Variants in LRRC37A2 observed in about 807,000 individuals in gnomAD.
LRRC37A2 encodes the protein leucine rich repeat containing 37 member A2.
LRRC37A2 carries 9 observed loss-of-function variants against 68.8 expected under a neutral mutation model. That is an observed-to-expected ratio of 0.13 (90% CI 0.08 to 0.23). The LOEUF (loss-of-function observed/expected upper bound fraction) is 0.23. Ranked by LOEUF, LRRC37A2 falls within the 10% of genes least tolerant of loss-of-function variation. The pLI, the probability that LRRC37A2 is intolerant of heterozygous loss-of-function variation, is 1.00. For missense variants in LRRC37A2, 168 were observed against 950.4 expected, an observed-to-expected ratio of 0.18 and a Z score of 10.82; for synonymous variants, 63 against 367.6, an observed-to-expected ratio of 0.17 and a Z score of 9.48.
the LRRC37A2 span, among the ~76,000 whole-genome samples, chr17:47,006,505 G>C: frequency 2.0e-5 from 3 of 152,116 alleles, no homozygotes; most frequent in East Asian, 5.8e-4. Context: ...CCAGCTACTC[G>C]GGAGGCTGAG....
At chr17:46,602,716 A>T in the LRRC37A2 span, among the ~76,000 whole-genome samples, 2 of 145,512 alleles carry the variant, frequency 1.4e-5, no homozygotes, top group African/African-American at 5.3e-5. Flanking sequence ...TGAGTCTTCC[A>T]ATGAACCTCT....
the LRRC37A2 span, among the ~76,000 whole-genome samples, chr17:46,828,721 G>C: frequency 6.6e-6 from 1 of 151,742 alleles, no homozygotes; most frequent in South Asian, 2.1e-4. Flanking sequence ...ACTTTGGGAG[G>C]CCAAGGCAGG....
the LRRC37A2 span, among the ~76,000 whole-genome samples, chr17:46,783,650 C>T: frequency 1.2e-4 from 19 of 152,262 alleles, no homozygotes; most frequent in African/African-American, 3.1e-4. Context: ...TCAGGGCGAG[C>T]GATCTCTAGG....
chr17:46,941,740 A>ATTT, the LRRC37A2 span: 23 of 149,832 alleles, frequency 1.5e-4, no homozygotes, highest in Admixed American at 4.9e-4. Flanking sequence ...TGTCTGGCTA[A>ATTT]TTTTTTTTTT....
chr17:46,943,343 C>G, the LRRC37A2 span, among the ~76,000 whole-genome samples: 1 of 152,180 alleles, frequency 6.6e-6, no homozygotes, highest in South Asian at 2.1e-4. Context: ...CTTCGCTGCC[C>G]CTGCAGTGCA....
chr17:46,583,975 T>TTA, the LRRC37A2 span, among the ~76,000 whole-genome samples: 142 of 10,322 alleles, frequency 0.014, 12 homozygotes, highest in African/African-American at 0.027. Context: ...CGTATATGTT[T>TTA]TATATATATA....
the LRRC37A2 span, among the ~76,000 whole-genome samples, chr17:46,569,082 A>C: frequency 1.4e-5 from 2 of 145,752 alleles, no homozygotes; most frequent in African/African-American, 5.3e-5. Flanking sequence ...AGCTGGGATT[A>C]CAGGCATGCA....
chr17:46,948,283 C>T, the LRRC37A2 span, among the ~76,000 whole-genome samples: 1 of 152,220 alleles, frequency 6.6e-6, no homozygotes, highest in Non-Finnish European at 1.5e-5. Context: ...AAAGTGCCTA[C>T]TGCACAGCCC....
chr17:46,827,970 C>G, the LRRC37A2 span, among the ~76,000 whole-genome samples: 6 of 150,230 alleles, frequency 4.0e-5, no homozygotes, highest in Non-Finnish European at 3.0e-5. Flanking sequence ...CCACCACGCC[C>G]AGCTGATTTT....
At chr17:46,924,045 C>T in the LRRC37A2 span, among the ~76,000 whole-genome samples, 2 of 152,182 alleles carry the variant, frequency 1.3e-5, no homozygotes, top group South Asian at 2.1e-4. Flanking sequence ...ACATTGAGTA[C>T]ATTCACAACT....
At chr17:46,769,832 G>A in the LRRC37A2 span, 3 of 1,613,180 alleles carry the variant, frequency 1.9e-6, no homozygotes, top group African/African-American at 1.3e-5. Flanking sequence ...GCGCGCGTCC[G>A]GCCTGTTCTC....
At chr17:46,534,738 G>A (rs1399678608) in intron 6 of LRRC37A2, among the ~76,000 whole-genome samples, 1 of 150,002 alleles carries the variant, frequency 6.7e-6, no homozygotes, top group Non-Finnish European at 1.5e-5. Context: ...GTGGCGGCCG[G>A]GCAGAGGGGC....
chr17:46,828,682 G>A, the LRRC37A2 span, among the ~76,000 whole-genome samples: 1 of 151,948 alleles, frequency 6.6e-6, no homozygotes, highest in African/African-American at 2.4e-5. Flanking sequence ...CCCAGGTCGG[G>A]CACGGTGGCT....
the LRRC37A2 span, among the ~76,000 whole-genome samples, chr17:47,022,110 C>A: frequency 2.1e-5 from 3 of 145,464 alleles, no homozygotes; most frequent in African/African-American, 7.6e-5. Context: ...AAATAAGAGG[C>A]AATTTAAATT....
the LRRC37A2 span, among the ~76,000 whole-genome samples, chr17:46,881,710 A>C: frequency 2.6e-5 from 4 of 152,148 alleles, no homozygotes; most frequent in Non-Finnish European, 4.4e-5. Context: ...GCTTGTTGAG[A>C]CAGTCACTAG....
chr17:46,739,661 C>T, the LRRC37A2 span, among the ~76,000 whole-genome samples: 1 of 151,886 alleles, frequency 6.6e-6, no homozygotes, highest in Non-Finnish European at 1.5e-5. Flanking sequence ...ATAAATTTTC[C>T]ACCTGTTGGT....
At chr17:46,977,053 C>G in the LRRC37A2 span, among the ~76,000 whole-genome samples, 2 of 152,148 alleles carry the variant, frequency 1.3e-5, no homozygotes, top group Admixed American at 6.5e-5. Context: ...ACATCCTGAT[C>G]ATGATAATTC....
At chr17:46,942,816 GTCCTT>G in the LRRC37A2 span, among the ~76,000 whole-genome samples, 20 of 152,290 alleles carry the variant, frequency 1.3e-4, no homozygotes, top group African/African-American at 4.8e-4. Flanking sequence ...CATTTTCTGT[GTCCTT>G]TTCATTTCAT....
the LRRC37A2 span, among the ~76,000 whole-genome samples, chr17:46,734,439 A>G: frequency 6.6e-6 from 1 of 152,108 alleles, no homozygotes; most frequent in Non-Finnish European, 1.5e-5. Context: ...CTTCTTAGTA[A>G]GTCAGTGACA....
Sources: gnomAD v4.1 joint callset for allele counts (sites outside exome capture counted in the v4.1 genomes callset) on GRCh38, gnomAD v4.1.1 for gene constraint, MANE v1.5 for transcripts, NCBI Gene and HGNC (gene_info 2026-07-23, HGNC 2026-07-21) for gene names.